The following TBX15 variants were observed in gnomAD, a reference collection of about 807,000 sequenced individuals.
TBX15 encodes T-box transcription factor TBX15.
Under a neutral mutation model 53.9 loss-of-function variants are expected in TBX15, and 18 were observed. That is an observed-to-expected ratio of 0.33 (90% CI 0.23 to 0.49). The LOEUF is 0.49. Ranked by LOEUF, TBX15 falls within the 20% of genes least tolerant of loss-of-function variation. The probability of loss-of-function intolerance (pLI) is 0.98; values close to 1 mark genes in which losing one functional copy is unlikely to be tolerated. For missense variants in TBX15, 692 were observed against 749.5 expected (o/e 0.92, Z 0.90); for synonymous variants, 295 against 278.0 (o/e 1.06, Z -0.61).
At position 118,885,462 on chromosome 1, in the gene TBX15, G is replaced by A. The variant is rs1313804216; in HGVS notation, c.1079C>T (p.Ser360Leu). 9.3e-6 allele frequency: 15 copies of A among 1,607,438 alleles called. No homozygotes were observed. Among genetic ancestry groups the A allele is most frequent in the Non-Finnish European group, 1.3e-5 (15 of 1,176,426 alleles). The change falls in exon 8 of 8, where the codon TCG becomes TTG. Residue 360 changes from serine (S) to leucine (L), a missense_variant. Around this residue, in one of 3 missense-constraint regions of TBX15, gnomAD observed 375 missense variants for 371.6 expected, o/e 1.01. Transcript: ENST00000369429. ...TGGAGATAAAAGATGAGAAGAAGCCGAAGGGGATGGTGTCCCAGTGCTGGA... is the reference window on the plus strand; with the variant it reads ...TGGAGATAAAAGATGAGAAGAAGCCAAAGGGGATGGTGTCCCAGTGCTGGA... ...TTSSTGTPSP[S>L]ASSHLLSPSC...
chr1:118,983,517 A>T (rs1023693183), intron 1 of TBX15, among the ~76,000 whole-genome samples: 3 of 152,118 alleles, frequency 2.0e-5, no homozygotes, highest in Non-Finnish European at 4.4e-5. Flanking sequence ...CTCAGCGAAC[A>T]ATAATCCTCA....
intron 6 of TBX15, among the ~76,000 whole-genome samples, chr1:118,905,256 C>G (rs1424629069): frequency 6.6e-6 from 1 of 152,178 alleles, no homozygotes; most frequent in Non-Finnish European, 1.5e-5. Context: ...TCAAGTCCCT[C>G]TAGGCCTCAT....
intron 1 of TBX15, 31 bp from the exon 2 acceptor site, chr1:118,931,863 G>A (rs1173330951): frequency 5.8e-6 from 9 of 1,548,210 alleles, no homozygotes; most frequent in East Asian, 2.4e-5. Flanking sequence ...CCTTAGGTGA[G>A]AAACTGCTGA....
intron 1 of TBX15, among the ~76,000 whole-genome samples, chr1:118,976,862 G>A (rs1024916196): frequency 3.3e-5 from 5 of 152,224 alleles, no homozygotes; most frequent in African/African-American, 1.2e-4. Context: ...TAAAGCAAAA[G>A]AATGGGGGAG....
At chr1:118,974,752 A>G (rs1362803985) in intron 1 of TBX15, among the ~76,000 whole-genome samples, 2 of 152,170 alleles carry the variant, frequency 1.3e-5, no homozygotes, top group Non-Finnish European at 2.9e-5. Context: ...AAATAAATGA[A>G]TCAGAGCAGT....
At chr1:118,909,930 G>T (rs1282539412) in intron 6 of TBX15, among the ~76,000 whole-genome samples, 1 of 152,156 alleles carries the variant, frequency 6.6e-6, no homozygotes, top group African/African-American at 2.4e-5. Flanking sequence ...AGTATGCTCA[G>T]CCACAGGTCC....
At chr1:118,989,029 C>T (rs1006366963), upstream of TBX15, among the ~76,000 whole-genome samples, 1 of 152,196 alleles carries the variant, frequency 6.6e-6, no homozygotes, top group Non-Finnish European at 1.5e-5. Context: ...GCTCCTCAGG[C>T]GTATTCCAGC....
At chr1:118,936,598 GATA>G (rs943797330) in intron 1 of TBX15, among the ~76,000 whole-genome samples, 2 of 152,074 alleles carry the variant, frequency 1.3e-5, no homozygotes, top group African/African-American at 4.8e-5. Context: ...TGGTTCTATT[GATA>G]ATAATATTAT....
At chr1:118,899,277 G>T (rs1212518417) in intron 6 of TBX15, 152 bp from the exon 7 acceptor site, 3 of 736,358 alleles carry the variant, frequency 4.1e-6, no homozygotes, top group Non-Finnish European at 7.2e-6. Context: ...AAAAACTCAA[G>T]GTACAATGAT....
At chr1:118,893,356 G>GGAAGGAAGGAAGGAAAGAAA (rs1409523115) in intron 7 of TBX15, among the ~76,000 whole-genome samples, 4 of 51,060 alleles carry the variant, frequency 7.8e-5, no homozygotes, top group African/African-American at 4.8e-4. Flanking sequence ...AAGGAAGGAA[G>GGAAGGAAGGAAGGAAAGAAA]GAAAGAAAGA....
chr1:118,976,901 T>C (rs939336291), intron 1 of TBX15, among the ~76,000 whole-genome samples: 2 of 152,182 alleles, frequency 1.3e-5, no homozygotes, highest in Non-Finnish European at 2.9e-5. Flanking sequence ...AGATTATAAT[T>C]TGCAAACAAT....
At chr1:118,889,370 C>T (rs969618636) in intron 7 of TBX15, among the ~76,000 whole-genome samples, 1 of 152,176 alleles carries the variant, frequency 6.6e-6, no homozygotes. Context: ...GGGAGCCCAT[C>T]CTCTTTGATC....
intron 7 of TBX15, among the ~76,000 whole-genome samples, chr1:118,897,657 A>G (rs17022707): frequency 0.035 from 5,370 of 152,248 alleles, 306 homozygotes; most frequent in African/African-American, 0.12. Context: ...AATTGCCTCA[A>G]TGTAGAGAAT....
intron 7 of TBX15, 111 bp downstream of exon 7, chr1:118,898,917 G>T: frequency 9.3e-7 from 1 of 1,076,180 alleles, no homozygotes; most frequent in Non-Finnish European, 1.4e-6. Flanking sequence ...CATTCCAGGA[G>T]AATTGGTATA....
In TBX15 at chr1:118,931,471, T is replaced by C. The variant is rs540664130; in HGVS notation, c.419+148A>G. The stretch of plus-strand genomic sequence containing the variant: ...ATCACAACAAACACAACAGAACAAC[T>C]TTACCAAGATGTCCAAATGCAGAGA... On this transcript the variant is annotated intron_variant, in intron 2 of 7. Coordinates refer to ENST00000369429, the MANE Select transcript of TBX15 (RefSeq NM_001330677.2). 2.8e-4 allele frequency: 239 copies of C among 840,214 alleles called. No individual in the cohort carries two copies. In the East Asian group the frequency reaches 5.3e-3, roughly 19 times the overall value. 52.0% of individuals were successfully genotyped at this position (840,214 alleles called of 1,614,324 possible). A position where few individuals can be genotyped will look rare whatever the true frequency, so the allele number is the denominator to read the frequency against.
At chr1:118,889,843 G>A (rs1417547314) in intron 7 of TBX15, among the ~76,000 whole-genome samples, 1 of 151,940 alleles carries the variant, frequency 6.6e-6, no homozygotes, top group Non-Finnish European at 1.5e-5. Context: ...TCACTATGTT[G>A]CTCAGGCTGG....
intron 1 of TBX15, among the ~76,000 whole-genome samples, chr1:118,960,439 G>T (rs1409134794): frequency 6.6e-6 from 1 of 152,180 alleles, no homozygotes; most frequent in African/African-American, 2.4e-5. Flanking sequence ...CCTTTGAAGC[G>T]AATGGCTTGG....
chr1:118,950,252 G>A (rs1182988517), intron 1 of TBX15, among the ~76,000 whole-genome samples: 1 of 152,208 alleles, frequency 6.6e-6, no homozygotes, highest in Admixed American at 6.5e-5. Flanking sequence ...TTCTGGAGGA[G>A]AGACTTCTCT....
chr1:118,952,774 T>C (rs559140418), intron 1 of TBX15, among the ~76,000 whole-genome samples: 34 of 152,136 alleles, frequency 2.2e-4, no homozygotes, highest in Non-Finnish European at 3.2e-4. Context: ...AATAAGGACT[T>C]TTTCCTTGGC....
Sources: gnomAD v4.1 joint callset for allele counts (sites outside exome capture counted in the v4.1 genomes callset) on GRCh38, gnomAD v4.1.1 for gene constraint, gnomAD v4.1.1 regional missense constraint, MANE v1.5 for transcripts, NCBI Gene and HGNC (gene_info 2026-07-23, HGNC 2026-07-21) for gene names.